Variants in TCF7L1 observed in about 807,000 individuals in gnomAD.
TCF7L1 encodes transcription factor 7-like 1.
A neutral mutation model predicts 63.7 loss-of-function variants in TCF7L1; 18 were observed. The observed-to-expected ratio is 0.28, with a 90% CI of 0.20 to 0.42. TCF7L1 has a LOEUF of 0.42. Ranked by LOEUF, TCF7L1 falls within the 10% of genes least tolerant of loss-of-function variation. TCF7L1 has a pLI of 1.00. For missense variants in TCF7L1, 654 were observed against 779.3 expected (o/e 0.84, Z 1.91); for synonymous variants, 355 against 340.9 (o/e 1.04, Z -0.46).
chr2:85,153,978 A>G (rs1222945947), intron 3 of TCF7L1, among the ~76,000 whole-genome samples: 1 of 152,212 alleles, frequency 6.6e-6, no homozygotes, highest in East Asian at 1.9e-4. Flanking sequence ...GTAATTTTTG[A>G]TAAGTTGATT....
chr2:85,221,678 C>T (rs1415481043), intron 3 of TCF7L1, among the ~76,000 whole-genome samples: 6 of 152,166 alleles, frequency 3.9e-5, no homozygotes, highest in Admixed American at 1.3e-4. Context: ...GGGCACAGCC[C>T]TCATAACCTA....
chr2:85,148,492 A>G (rs1677932257), intron 3 of TCF7L1, among the ~76,000 whole-genome samples: 1 of 151,852 alleles, frequency 6.6e-6, no homozygotes, highest in Non-Finnish European at 1.5e-5. Flanking sequence ...GGCCCCCCTC[A>G]GGGAGAATGG....
intron 3 of TCF7L1, among the ~76,000 whole-genome samples, chr2:85,223,650 C>T (rs1184586677): frequency 1.3e-5 from 2 of 152,094 alleles, no homozygotes; most frequent in Non-Finnish European, 2.9e-5. Flanking sequence ...CCAAAAGCAA[C>T]CACTCACAGC....
Position 85,134,438 on chromosome 2 carries a change from A to C in TCF7L1, c.429A>C (p.Gly143=). 1 of 1,555,918 alleles carries C rather than the reference A, an allele frequency of 6.4e-7. No homozygotes were observed. The highest frequency in any genetic ancestry group is 8.7e-7 in the Non-Finnish European group (1 of 1,149,684). ...PYLSNGPLSP[G]GARTYLQMKW... is the part of the protein sequence containing the mutation. ...TCTCCAACGGACCCCTGTCTCCCGG[A>C]GGAGCGCGCACCGTGAGTGCCCGTC... Residue 143 remains glycine, a synonymous_variant, in exon 3 of 12, where the codon GGA becomes GGC. Coordinates refer to ENST00000282111, the MANE Select transcript of TCF7L1 (RefSeq NM_031283.3). This position sits in a 1 kb window ranked among gnomAD's most constrained non-coding sequence, Gnocchi z 5.0.
intron 3 of TCF7L1, among the ~76,000 whole-genome samples, chr2:85,173,226 A>G (rs1424319479): frequency 6.6e-6 from 1 of 152,114 alleles, no homozygotes; most frequent in East Asian, 1.9e-4. Context: ...TCACCGGGTG[A>G]CTGATTGAAA....
At chr2:85,304,030 C>T (rs1445609827) in intron 6 of TCF7L1, 33 bp downstream of exon 6, 1 of 1,518,858 alleles carries the variant, frequency 6.6e-7, no homozygotes, top group Admixed American at 1.7e-5. Flanking sequence ...TCCCCCTGCT[C>T]CCTCCTTGCG....
intron 3 of TCF7L1, among the ~76,000 whole-genome samples, chr2:85,158,529 G>A (rs182372014): frequency 1.3e-5 from 2 of 152,334 alleles, no homozygotes; most frequent in Admixed American, 1.3e-4. Context: ...GAGGTTGGGG[G>A]CAGAAAGAAA....
intron 3 of TCF7L1, among the ~76,000 whole-genome samples, chr2:85,222,953 G>C (rs2104303135): frequency 6.6e-6 from 1 of 152,306 alleles, no homozygotes; most frequent in Middle Eastern, 3.4e-3. Context: ...CTTAGGGGTG[G>C]ATGAGCAAGG....
chr2:85,193,285 G>A (rs1414819098), intron 3 of TCF7L1, among the ~76,000 whole-genome samples: 2 of 152,186 alleles, frequency 1.3e-5, no homozygotes, highest in Admixed American at 1.3e-4. Flanking sequence ...CAGCTGAGGA[G>A]CCAAAGTCTC....
chr2:85,244,148 C>A (rs960486506), intron 3 of TCF7L1, among the ~76,000 whole-genome samples: 1 of 152,088 alleles, frequency 6.6e-6, no homozygotes, highest in Non-Finnish European at 1.5e-5. Context: ...GCGGGCAGAA[C>A]AGAGTGGCTG....
At chr2:85,143,948 C>T (rs1474495399) in intron 3 of TCF7L1, among the ~76,000 whole-genome samples, 1 of 152,202 alleles carries the variant, frequency 6.6e-6, no homozygotes, top group East Asian at 1.9e-4. Flanking sequence ...GTCCCAGGAA[C>T]TTCATCCGAG....
Position 85,298,297 on chromosome 2 carries a change from C to T in TCF7L1, c.526-4187C>T, listed in dbSNP as rs553691660. ...CACGAGGTCGAGAGATCGAGACCAT[C>T]CTGGCCAACATGGTGAAACCCCGTC... is the stretch of plus-strand genomic sequence containing the variant. On this transcript the variant is annotated intron_variant, in intron 4 of 11. Transcript: ENST00000282111. 1.8e-4 allele frequency among the ~76,000 whole-genome samples: 28 copies of T among 151,422 alleles called. No individual in the cohort carries two copies. In the South Asian group the frequency reaches 4.4e-3, roughly 24 times the overall value.
chr2:85,165,419 G>A (rs1312843757), intron 3 of TCF7L1, among the ~76,000 whole-genome samples: 1 of 152,194 alleles, frequency 6.6e-6, no homozygotes. Context: ...TGGGAAGCTG[G>A]TCCCTGTCCC....
intron 4 of TCF7L1, among the ~76,000 whole-genome samples, chr2:85,292,862 G>T (rs1454629301): frequency 6.6e-5 from 10 of 152,254 alleles, no homozygotes; most frequent in Non-Finnish European, 1.5e-5. Flanking sequence ...ACAGGCATGA[G>T]CCACCACACC....
intron 4 of TCF7L1, among the ~76,000 whole-genome samples, chr2:85,300,564 C>T (rs1040529830): frequency 3.3e-5 from 5 of 152,074 alleles, no homozygotes; most frequent in African/African-American, 1.2e-4. Context: ...TCCGCCTCTC[C>T]TCTCTGCTTG....
chr2:85,218,800 C>T (rs1311868474), intron 3 of TCF7L1, among the ~76,000 whole-genome samples: 1 of 152,064 alleles, frequency 6.6e-6, no homozygotes, highest in Non-Finnish European at 1.5e-5. Flanking sequence ...AGCTGACCAT[C>T]TAGGCAGGGG....
At chr2:85,172,807 A>T (rs1211938137) in intron 3 of TCF7L1, among the ~76,000 whole-genome samples, 1 of 151,856 alleles carries the variant, frequency 6.6e-6, no homozygotes, top group Non-Finnish European at 1.5e-5. Flanking sequence ...TCACCTCCTC[A>T]GTGAGGCCTC....
intron 4 of TCF7L1, among the ~76,000 whole-genome samples, chr2:85,290,315 A>G (rs904880656): frequency 6.6e-6 from 1 of 151,900 alleles, no homozygotes; most frequent in Non-Finnish European, 1.5e-5. Flanking sequence ...TCCTGTGCAT[A>G]TATTTGTATA....
chr2:85,261,123 G>GGTGTGTGTGTGT (rs3223762), intron 3 of TCF7L1, among the ~76,000 whole-genome samples: 33 of 106,772 alleles, frequency 3.1e-4, no homozygotes, highest in African/African-American at 9.0e-4. Flanking sequence ...AATTATTGCT[G>GGTGTGTGTGTGT]GTGTGTGTGT....
Sources: allele counts gnomAD v4.1 joint callset (sites outside exome capture counted in the v4.1 genomes callset), GRCh38; gene constraint gnomAD v4.1.1; non-coding constraint Gnocchi (gnomAD v3.1); transcripts MANE v1.5; gene names NCBI Gene and HGNC (gene_info 2026-07-23, HGNC 2026-07-21).